The following FBN1 variants were observed in gnomAD, a reference collection of about 807,000 sequenced individuals.
The protein encoded by FBN1 is fibrillin-1.
A neutral mutation model predicts 365.1 loss-of-function variants in FBN1; 29 were observed. The ratio of observed to expected loss-of-function variants is 0.08; its 90% confidence interval spans 0.06 to 0.11. The LOEUF (loss-of-function observed/expected upper bound fraction) is 0.11. Ranked by LOEUF, FBN1 falls within the 10% of genes least tolerant of loss-of-function variation. The pLI, the probability that FBN1 is intolerant of heterozygous loss-of-function variation, is 1.00. For missense variants in FBN1, 2,476 were observed against 3,703.2 expected, an observed-to-expected ratio of 0.67 and a Z score of 8.60; for synonymous variants, 1,210 against 1,270.5, an observed-to-expected ratio of 0.95 and a Z score of 1.01.
intron 6 of FBN1, among the ~76,000 whole-genome samples, chr15:48,586,329 G>A (rs1398598292): frequency 2.0e-5 from 3 of 152,158 alleles, no homozygotes; most frequent in African/African-American, 7.2e-5. Context: ...AAACTGATGG[G>A]GCTGGTTGGG....
intron 2 of FBN1, among the ~76,000 whole-genome samples, chr15:48,640,568 T>C (rs1456750906): frequency 1.3e-5 from 2 of 152,208 alleles, no homozygotes; most frequent in African/African-American, 2.4e-5. Context: ...TGCCATCACA[T>C]AATCTACCAT....
At chr15:48,535,064 T>C (rs2044003394) in intron 7 of FBN1, among the ~76,000 whole-genome samples, 1 of 152,194 alleles carries the variant, frequency 6.6e-6, no homozygotes, top group African/African-American at 2.4e-5. Context: ...CAGAGCTCTG[T>C]AAGGCTGCCC....
At chr15:48,609,090 C>A (rs2044636947) in intron 4 of FBN1, among the ~76,000 whole-genome samples, 1 of 152,228 alleles carries the variant, frequency 6.6e-6, no homozygotes, top group Non-Finnish European at 1.5e-5. Flanking sequence ...GCTTCAGCGG[C>A]AGCCTGGAAG....
chr15:48,482,213 C>T (rs1363382865), intron 31 of FBN1, among the ~76,000 whole-genome samples: 1 of 152,124 alleles, frequency 6.6e-6, no homozygotes, highest in African/African-American at 2.4e-5. Context: ...CACTTCTTTT[C>T]CAAATTAAAA....
intron 24 of FBN1, among the ~76,000 whole-genome samples, chr15:48,491,333 CTTTCTT>C (rs1294541964): frequency 2.0e-5 from 3 of 151,484 alleles, no homozygotes; most frequent in African/African-American, 4.8e-5. Flanking sequence ...CTGTATACCA[CTTTCTT>C]TTTCTTTTTC....
At chr15:48,503,350 C>T (rs1221995049) in intron 17 of FBN1, among the ~76,000 whole-genome samples, 3 of 149,022 alleles carry the variant, frequency 2.0e-5, no homozygotes, top group Non-Finnish European at 3.0e-5. Flanking sequence ...GAAAACCACA[C>T]CAAAATCAAT....
intron 2 of FBN1, chr15:48,640,932 T>A (rs1890186955): frequency 6.6e-6 from 1 of 152,178 alleles, no homozygotes; most frequent in Non-Finnish European, 1.5e-5. Flanking sequence ...ACTTTTTGCC[T>A]AATCACCATT....
chr15:48,411,989 T>C (rs1039433790), intron 65 of FBN1, among the ~76,000 whole-genome samples: 1 of 152,244 alleles, frequency 6.6e-6, no homozygotes, highest in Admixed American at 6.5e-5. Context: ...GCTTTTCACC[T>C]GGCTTCTTAC....
At chr15:48,535,944 G>T (rs1044658275) in intron 7 of FBN1, among the ~76,000 whole-genome samples, 5 of 152,026 alleles carry the variant, frequency 3.3e-5, no homozygotes, top group African/African-American at 4.8e-5. Flanking sequence ...ATGATTTCTG[G>T]CCAACAGAAA....
At chr15:48,645,399 G>A (rs954614333) in intron 1 of FBN1, among the ~76,000 whole-genome samples, 176 bp downstream of exon 1, 1 of 152,220 alleles carries the variant, frequency 6.6e-6, no homozygotes, top group Admixed American at 6.5e-5. Context: ...CAAGAGCCCC[G>A]GGCCAGGAAG....
intron 6 of FBN1, among the ~76,000 whole-genome samples, chr15:48,569,669 A>G (rs1316988599): frequency 6.6e-6 from 1 of 152,222 alleles, no homozygotes; most frequent in Non-Finnish European, 1.5e-5. Context: ...CTACAACATT[A>G]TGCCAAGTGA....
chr15:48,472,815 G>A (rs2043388843), intron 34 of FBN1, 139 bp from the exon 35 acceptor site: 5 of 1,166,516 alleles, frequency 4.3e-6, no homozygotes, highest in Non-Finnish European at 6.2e-6. Flanking sequence ...TTTTCTCTTT[G>A]GTAGGCTAAC....
At chr15:48,549,094 T>C (rs568895179) in intron 6 of FBN1, among the ~76,000 whole-genome samples, 24 of 152,386 alleles carry the variant, frequency 1.6e-4, no homozygotes, top group African/African-American at 5.8e-4. Context: ...TATTTTCAAA[T>C]TTCTGCAGTA....
At chr15:48,493,009 C>A (rs75225368) in intron 23 of FBN1, among the ~76,000 whole-genome samples, 1 of 152,100 alleles carries the variant, frequency 6.6e-6, no homozygotes, top group Non-Finnish European at 1.5e-5. Context: ...AGAAAAATAT[C>A]CCACCAAGGA....
intron 41 of FBN1, 74 bp downstream of exon 41, chr15:48,463,825 G>A: frequency 6.7e-7 from 1 of 1,492,174 alleles, no homozygotes; most frequent in South Asian, 1.2e-5. Context: ...ACCCTAAGGT[G>A]ATGAACTTGT....
intron 43 of FBN1, among the ~76,000 whole-genome samples, chr15:48,458,271 T>C (rs373487776): frequency 6.6e-6 from 1 of 152,234 alleles, no homozygotes; most frequent in East Asian, 1.9e-4. Context: ...CCACACTCTA[T>C]AACCAATCTG....
At chr15:48,426,580 T>C (rs747476428) in intron 58 of FBN1, among the ~76,000 whole-genome samples, 42 of 152,246 alleles carry the variant, frequency 2.8e-4, no homozygotes, top group Non-Finnish European at 5.4e-4. Flanking sequence ...TGACCCATTT[T>C]ACCTCCTTAC....
intron 2 of FBN1, among the ~76,000 whole-genome samples, chr15:48,626,955 A>T (rs1889895915): frequency 6.6e-6 from 1 of 152,192 alleles, no homozygotes; most frequent in Non-Finnish European, 1.5e-5. Context: ...TGGTGTGCTC[A>T]TTCTCAGATG....
intron 12 of FBN1, among the ~76,000 whole-genome samples, chr15:48,514,836 G>T (rs950186733): frequency 6.6e-6 from 1 of 152,110 alleles, no homozygotes; most frequent in Non-Finnish European, 1.5e-5. Flanking sequence ...ACTTTAATAG[G>T]CAGAATAATG....
Sources: allele counts gnomAD v4.1 joint callset (sites outside exome capture counted in the v4.1 genomes callset), GRCh38; gene constraint gnomAD v4.1.1; transcripts MANE v1.5; gene names NCBI Gene and HGNC (gene_info 2026-07-23, HGNC 2026-07-21).